KIF26B: variants seen among roughly 807,000 people sequenced by gnomAD.
The protein encoded by KIF26B is kinesin family member 26B.
KIF26B carries 63 observed loss-of-function variants against 151.2 expected under a neutral mutation model. The ratio of observed to expected loss-of-function variants is 0.42; its 90% CI spans 0.34 to 0.51. The LOEUF is 0.51. KIF26B is among the 20% of genes least tolerant of loss of function. The pLI is 0.07. For synonymous variants in KIF26B, 1,357 were observed against 1,262.1 expected (o/e 1.08, Z -1.59); for missense variants, 2,813 against 2,913.6 (o/e 0.97, Z 0.79).
At chr1:245,325,105 AAAAAAAG>A (rs1287834261) in intron 2 of KIF26B, among the ~76,000 whole-genome samples, 1 of 134,764 alleles carries the variant, frequency 7.4e-6, no homozygotes, top group African/African-American at 2.9e-5. Context: ...AAAAAAAAAA[AAAAAAAG>A]AAAAAAAGAA....
chr1:245,302,033 G>A (rs1320009713), intron 2 of KIF26B, among the ~76,000 whole-genome samples: 1 of 152,164 alleles, frequency 6.6e-6, no homozygotes, highest in African/African-American at 2.4e-5. Context: ...GGAATAAGTG[G>A]AATAGCAGGG....
At chr1:245,385,329 G>T (rs1673516869) in intron 3 of KIF26B, among the ~76,000 whole-genome samples, 1 of 152,166 alleles carries the variant, frequency 6.6e-6, no homozygotes, top group African/African-American at 2.4e-5. Context: ...CAACATTTGG[G>T]GTTAATTGGT....
chr1:245,601,502 G>C lies in KIF26B; in HGVS notation c.1351-1075G>C, dbSNP rs1026499023. Among the ~76,000 whole-genome samples the C allele has an allele frequency of 6.6e-6, 1 of 152,330 alleles. No homozygotes were observed. Among genetic ancestry groups the C allele is most frequent in the African/African-American group, 2.4e-5 (1 of 41,576 alleles). ...CAAACCTGACAACTGATGAGACAAA[G>C]AGAACAAGACACAGAGAGGAATTTA... On this transcript the variant is annotated intron_variant, in intron 5 of 14. Coordinates refer to ENST00000407071, the MANE Select transcript of KIF26B (RefSeq NM_018012.4). The surrounding 1 kb of genome is among the most constrained non-coding windows in gnomAD (Gnocchi z 4.4).
Position 245,688,362 on chromosome 1 carries a change from G to C in KIF26B, c.5379G>C (p.Ser1793=). 6.4e-7 allele frequency: 1 copy of C among 1,557,276 alleles called. No homozygotes were observed. ...AGTCCCTCAGCAGGAACAGGAGCTC[G>C]GGCCTGGCCTCCAAGCTTCCCCTGC... is the stretch of plus-strand genomic sequence containing the variant. ...STQSLSRNRS[S]GLASKLPLRA... Residue 1793 remains serine, a synonymous_variant, in exon 12 of 15, where the codon TCG becomes TCC. Transcript: ENST00000407071.
At chr1:245,414,243 C>A (rs1674363134) in intron 3 of KIF26B, among the ~76,000 whole-genome samples, 1 of 152,186 alleles carries the variant, frequency 6.6e-6, no homozygotes, top group Admixed American at 6.5e-5. Context: ...GGAAGACTTG[C>A]TTTGAAGTGT....
chr1:245,482,689 G>T (rs1459112646), intron 4 of KIF26B, among the ~76,000 whole-genome samples: 1 of 151,774 alleles, frequency 6.6e-6, no homozygotes, highest in African/African-American at 2.4e-5. Flanking sequence ...CTGATGTGCT[G>T]TGGAGGTTCG....
At chr1:245,501,672 A>C (rs1011564338) in intron 4 of KIF26B, among the ~76,000 whole-genome samples, 1 of 152,222 alleles carries the variant, frequency 6.6e-6, no homozygotes, top group Admixed American at 6.5e-5. Context: ...ATTCATATCA[A>C]AATTAGACTT....
At chr1:245,599,336 C>T (rs2043367227) in intron 5 of KIF26B, among the ~76,000 whole-genome samples, 2 of 152,206 alleles carry the variant, frequency 1.3e-5, no homozygotes, top group Admixed American at 1.3e-4. Flanking sequence ...GGCCTTTCCC[C>T]CAGCTCGGAG....
intron 2 of KIF26B, among the ~76,000 whole-genome samples, chr1:245,263,938 C>T (rs1281393038): frequency 6.6e-6 from 1 of 152,208 alleles, no homozygotes; most frequent in Non-Finnish European, 1.5e-5. Context: ...CCTTTTCCCT[C>T]AGGATCTTCA....
intron 2 of KIF26B, among the ~76,000 whole-genome samples, chr1:245,289,383 G>A (rs555719147): frequency 2.6e-5 from 4 of 152,142 alleles, no homozygotes; most frequent in Non-Finnish European, 5.9e-5. Context: ...TTTTCGACTC[G>A]GCAAGTGTAT....
intron 2 of KIF26B, among the ~76,000 whole-genome samples, chr1:245,207,504 A>G (rs745404393): frequency 6.6e-6 from 1 of 152,162 alleles, no homozygotes; most frequent in Non-Finnish European, 1.5e-5. Flanking sequence ...AAGGACTTAC[A>G]AGGGACTTAC....
chr1:245,433,486 G>A (rs1434820584), intron 4 of KIF26B, among the ~76,000 whole-genome samples: 74 of 140,808 alleles, frequency 5.3e-4, no homozygotes, highest in South Asian at 9.6e-4. Flanking sequence ...AAAAGAAGAA[G>A]AAGAAGAAGA....
At chr1:245,605,661 TG>T (rs1165267828) in intron 6 of KIF26B, among the ~76,000 whole-genome samples, 5 of 152,060 alleles carry the variant, frequency 3.3e-5, no homozygotes, top group Non-Finnish European at 7.4e-5. Flanking sequence ...GCCCTTCCCA[TG>T]GGGGCTGTGC....
chr1:245,308,822 AG>A (rs1440489974), intron 2 of KIF26B, among the ~76,000 whole-genome samples: 1 of 152,218 alleles, frequency 6.6e-6, no homozygotes, highest in Admixed American at 6.5e-5. Context: ...TGAGGATCAG[AG>A]GGAGTAACAG....
intron 2 of KIF26B, among the ~76,000 whole-genome samples, chr1:245,172,327 C>G (rs1668727548): frequency 6.6e-6 from 1 of 152,136 alleles, no homozygotes; most frequent in Non-Finnish European, 1.5e-5. Context: ...TCTTACAGGC[C>G]CCGCCTAAGA....
At chr1:245,692,239 C>A (rs113747705) in intron 12 of KIF26B, among the ~76,000 whole-genome samples, 3 of 150,880 alleles carry the variant, frequency 2.0e-5, no homozygotes, top group Non-Finnish European at 4.4e-5. Flanking sequence ...TGGAGGCAGC[C>A]GGCACAGGGG....
chr1:245,297,559 G>A (rs180720828), intron 2 of KIF26B, among the ~76,000 whole-genome samples: 186 of 152,276 alleles, frequency 1.2e-3, no homozygotes, highest in African/African-American at 4.2e-3. Context: ...AAAAATTAGA[G>A]TCACAATTGT....
intron 2 of KIF26B, among the ~76,000 whole-genome samples, chr1:245,310,113 CTATA>C (rs976764710): frequency 6.8e-6 from 1 of 147,444 alleles, no homozygotes; most frequent in African/African-American, 2.5e-5. Flanking sequence ...ATATATCTCA[CTATA>C]TATAAATATC....
intron 5 of KIF26B, among the ~76,000 whole-genome samples, chr1:245,576,598 T>C (rs929200421): frequency 6.6e-5 from 10 of 152,160 alleles, no homozygotes; most frequent in Non-Finnish European, 1.2e-4. Context: ...GCCTGGCCAG[T>C]AGATAGGTTT....
Sources: gnomAD v4.1 joint callset for allele counts (sites outside exome capture counted in the v4.1 genomes callset) on GRCh38, gnomAD v4.1.1 for gene constraint, Gnocchi (gnomAD v3.1) non-coding constraint, MANE v1.5 for transcripts, NCBI Gene and HGNC (gene_info 2026-07-23, HGNC 2026-07-21) for gene names.